Variants in PWWP3B observed in about 807,000 individuals in gnomAD.
The protein encoded by PWWP3B is PWWP domain-containing DNA repair factor 3B.
A neutral mutation model predicts 15.7 loss-of-function variants in PWWP3B; 5 were observed. The ratio of observed to expected loss-of-function variants is 0.32; its 90% confidence interval spans 0.17 to 0.67. The LOEUF is 0.67. Among genes scored for constraint, PWWP3B ranks in the 30% least tolerant of loss-of-function variants. The pLI is 0.74. For synonymous variants in PWWP3B, 203 were observed against 179.8 expected (o/e 1.13, Z -1.03); for missense variants, 519 against 493.1 (o/e 1.05, Z -0.50).
intron 2 of PWWP3B, among the ~76,000 whole-genome samples, chrX:106,193,670 C>A (rs751934040): frequency 1.8e-5 from 2 of 111,959 alleles, no homozygotes; most frequent in Non-Finnish European, 3.8e-5. Flanking sequence ...TTTTGCAGTG[C>A]CTGGTACTGG....
chrX:106,207,481 A>G lies in PWWP3B; in HGVS notation c.2049A>G (p.Ile683Met). ...RERELFDAKI[I>M]YEKRRKAPTN... is the part of the protein sequence containing the mutation. ...GAGAATTATTTGATGCAAAAATAAT[A>G]TATGAAAAGAGACGAAAAGCACCAA... Residue 683 changes from isoleucine to methionine, a missense_variant, in exon 4 of 4, where the codon ATA becomes ATG. By Grantham distance (10) the Ile-to-Met change is conservative. Coordinates refer to ENST00000357175, the MANE Select transcript of PWWP3B (RefSeq NM_001171020.2). 8.7e-7 allele frequency: 1 copy of G among 1,150,050 alleles called. No individual in the cohort carries two copies. 94.8% of individuals were successfully genotyped at this position (1,150,050 alleles called of 1,213,427 possible). A position where few individuals can be genotyped will look rare whatever the true frequency, so the allele number is the denominator to read the frequency against.
chrX:106,171,708 G>A (rs1195169605), intron 2 of PWWP3B, among the ~76,000 whole-genome samples: 1 of 106,420 alleles, frequency 9.4e-6, no homozygotes, highest in African/African-American at 3.3e-5. Flanking sequence ...ACACACTTAG[G>A]CTATATGGTA....
intron 2 of PWWP3B, among the ~76,000 whole-genome samples, chrX:106,188,360 A>T (rs1375048017): frequency 8.9e-6 from 1 of 112,040 alleles, no homozygotes; most frequent in African/African-American, 3.2e-5. Flanking sequence ...GTATTTTTAA[A>T]CATATCTTGT....
chrX:106,184,252 C>A (rs1477177040), intron 2 of PWWP3B, among the ~76,000 whole-genome samples: 1 of 111,179 alleles, frequency 9.0e-6, no homozygotes, highest in Non-Finnish European at 1.9e-5. Context: ...ATACCTGGGG[C>A]TGATTGGGTA....
At chrX:106,186,710 G>C (rs1922533343) in intron 2 of PWWP3B, among the ~76,000 whole-genome samples, 1 of 110,665 alleles carries the variant, frequency 9.0e-6, no homozygotes, top group Admixed American at 9.6e-5. Context: ...ATTGTGAAGA[G>C]TGAAAGAACA....
chrX:106,207,621 G>A lies in PWWP3B; in HGVS notation c.*98G>A. On this transcript the variant is annotated 3_prime_UTR_variant, in exon 4 of 4. Coordinates refer to ENST00000357175, the MANE Select transcript of PWWP3B (RefSeq NM_001171020.2). ...CTCTAATACATATTTTCTGCAAATG[G>A]GAGCATGGATAATGTGTTCACTTTT... 1 of 845,882 alleles carries A rather than the reference G, an allele frequency of 1.2e-6. No individual in the cohort carries two copies. 69.7% of individuals were successfully genotyped at this position (845,882 alleles called of 1,213,427 possible).
At chrX:106,176,639 A>C (rs1177903123) in intron 2 of PWWP3B, among the ~76,000 whole-genome samples, 1 of 112,287 alleles carries the variant, frequency 8.9e-6, no homozygotes, top group African/African-American at 3.2e-5. Flanking sequence ...CAGTTTTGTC[A>C]ATTTTGTTCT....
chrX:106,175,454 A>C (rs774929813), intron 2 of PWWP3B, among the ~76,000 whole-genome samples: 3 of 108,982 alleles, frequency 2.8e-5, no homozygotes, highest in Non-Finnish European at 5.7e-5. Flanking sequence ...GTTAGCCAGG[A>C]TGGTCTCGAT....
At chrX:106,192,891 A>C (rs1167191642) in intron 2 of PWWP3B, among the ~76,000 whole-genome samples, 2 of 111,090 alleles carry the variant, frequency 1.8e-5, no homozygotes, top group Non-Finnish European at 1.9e-5. Flanking sequence ...GTTTGATTGC[A>C]CTGTGGTCTG....
At chrX:106,176,756 G>A (rs1156376869) in intron 2 of PWWP3B, among the ~76,000 whole-genome samples, 1 of 111,722 alleles carries the variant, frequency 9.0e-6, no homozygotes, top group Non-Finnish European at 1.9e-5. Context: ...TTTGGTTGAT[G>A]TTTTATGTTT....
intron 2 of PWWP3B, among the ~76,000 whole-genome samples, chrX:106,188,837 A>G (rs889775537): frequency 1.1e-4 from 12 of 112,708 alleles, no homozygotes; most frequent in African/African-American, 3.5e-4. Flanking sequence ...TGTTGCATAT[A>G]TCAGTAATTT....
intron 2 of PWWP3B, among the ~76,000 whole-genome samples, chrX:106,193,056 G>T (rs915620510): frequency 1.8e-5 from 2 of 111,319 alleles, no homozygotes; most frequent in Admixed American, 1.9e-4. Context: ...TGTCTATTAG[G>T]TCCGCTTGGT....
chrX:106,194,292 C>G (rs766592970), intron 2 of PWWP3B, among the ~76,000 whole-genome samples: 1 of 111,801 alleles, frequency 8.9e-6, no homozygotes, highest in East Asian at 2.8e-4. Flanking sequence ...TCATTCATTT[C>G]GTCTTCCATC....
At chrX:106,180,672 G>A (rs1000206669) in intron 2 of PWWP3B, among the ~76,000 whole-genome samples, 1 of 111,780 alleles carries the variant, frequency 8.9e-6, no homozygotes, top group Non-Finnish European at 1.9e-5. Flanking sequence ...CCAGACAAAC[G>A]CAGACCAGTG....
chrX:106,191,156 A>G (rs1404918698), intron 2 of PWWP3B, among the ~76,000 whole-genome samples: 6 of 109,504 alleles, frequency 5.5e-5, no homozygotes, highest in Non-Finnish European at 1.1e-4. Context: ...TTTTCACGAT[A>G]TTGATTCTTC....
chrX:106,195,583 G>A (rs188436992), intron 2 of PWWP3B, among the ~76,000 whole-genome samples: 14 of 111,498 alleles, frequency 1.3e-4, no homozygotes, highest in East Asian at 8.5e-4. Flanking sequence ...TGAAAAGACC[G>A]CCATTTCTTC....
chrX:106,206,295 A>T lies in PWWP3B; in HGVS notation c.863A>T (p.Asn288Ile), dbSNP rs931106118. The part of the protein sequence containing the change: ...NIEDPGEGPS[N>I]PCLDTSQNQP... ...GAGGATCCTGGAGAGGGTCCCTCAA[A>T]TCCATGCTTAGATACCAGCCAGAAT... is the stretch of plus-strand genomic sequence containing the variant. Residue 288 changes from asparagine (N) to isoleucine (I), a missense_variant, in exon 4 of 4, where the codon AAT (asparagine) becomes ATT (isoleucine). By Grantham distance (149) the Asn-to-Ile change is moderately radical. Coordinates refer to ENST00000357175, the MANE Select transcript of PWWP3B (RefSeq NM_001171020.2). 8.3e-7 allele frequency: 1 copy of T among 1,205,615 alleles called. No homozygotes were observed. Among genetic ancestry groups the T allele is most frequent in the South Asian group, 1.8e-5 (1 of 55,957 alleles).
chrX:106,206,217 G>A lies in PWWP3B; in HGVS notation c.785G>A (p.Cys262Tyr), dbSNP rs770898446. The A allele has an allele frequency of 9.1e-6, 11 of 1,204,086 alleles. No homozygotes were observed. The highest frequency in any genetic ancestry group is 3.0e-5 in the East Asian group (1 of 33,676). Residue 262 changes from cysteine to tyrosine, a missense_variant, in exon 4 of 4, where the codon TGC becomes TAC. Transcript: ENST00000357175. ...KALKEESEDT[C>Y]LETLAVPSEC... is the part of the protein sequence containing the mutation. ...TTGAAAGAAGAGAGCGAGGATACCT[G>A]CCTAGAGACCCTGGCTGTTCCCTCT...
intron 2 of PWWP3B, among the ~76,000 whole-genome samples, chrX:106,192,450 T>C (rs1258962724): frequency 9.0e-6 from 1 of 111,513 alleles, no homozygotes; most frequent in African/African-American, 3.3e-5. Flanking sequence ...TTATTAGTCT[T>C]GGTAGCGGTC....
Sources: gnomAD v4.1 joint callset for allele counts (sites outside exome capture counted in the v4.1 genomes callset) on GRCh38, gnomAD v4.1.1 for gene constraint, MANE v1.5 for transcripts, NCBI Gene and HGNC (gene_info 2026-07-23, HGNC 2026-07-21) for gene names.